Variants in GPATCH11 observed in about 807,000 individuals in gnomAD.
GPATCH11 encodes G-patch domain containing 11.
GPATCH11 carries 32 observed loss-of-function variants against 44.8 expected under a neutral mutation model. The ratio of observed to expected loss-of-function variants is 0.71; its 90% confidence interval spans 0.54 to 0.96. The LOEUF (loss-of-function observed/expected upper bound fraction) is 0.96. Among genes scored for constraint, GPATCH11 ranks in the 40% least tolerant of loss-of-function variants. The pLI, the probability that GPATCH11 is intolerant of heterozygous loss-of-function variation, is 0.00. For synonymous variants in GPATCH11, 84 were observed against 94.4 expected (o/e 0.89, Z 0.64); for missense variants, 324 against 303.1 (o/e 1.07, Z -0.51).
rs543054086 is a variant in GPATCH11, at chr2:37,097,422, G to T, written c.*1159G>T. 6.6e-6 allele frequency: 1 copy of T among 152,308 alleles called. No homozygotes were observed. The highest frequency in any genetic ancestry group is 2.1e-4 in the South Asian group (1 of 4,830). 9.4% of individuals were successfully genotyped at this position (152,308 alleles called of 1,614,324 possible). ...CCTTTTTAAAAGTTCATATGCTCAG[G>T]TGTCTCTCCTAGTGATTGATTTTGA... On this transcript the variant is annotated 3_prime_UTR_variant, in exon 9 of 9. Coordinates refer to ENST00000674370, the MANE Select transcript of GPATCH11 (RefSeq NM_174931.4).
rs80203052 is a variant in GPATCH11, at chr2:37,086,229, A to G, written c.-14+1659A>G. Among the ~76,000 whole-genome samples, 795 of 152,370 alleles carry G rather than the reference A, an allele frequency of 5.2e-3. 5 individuals are homozygous for G. The highest frequency in any genetic ancestry group is 8.9e-3 in the Non-Finnish European group (605 of 68,032). ...ATTTTGGAGGGTACCACATGGTTAC[A>G]AGAATGTTTGACTCACAGAAATGTA... On this transcript the variant is annotated intron_variant, in intron 1 of 8. Coordinates refer to ENST00000674370, the MANE Select transcript of GPATCH11 (RefSeq NM_174931.4).
At chr2:37,092,338 A>ATG in intron 6 of GPATCH11, 83 bp downstream of exon 6, 1 of 219,792 alleles carries the variant, frequency 4.5e-6, no homozygotes, top group Non-Finnish European at 8.9e-6. Flanking sequence ...ATATATATAT[A>ATG]TTTTATATAT....
intron 7 of GPATCH11, among the ~76,000 whole-genome samples, chr2:37,094,761 G>A (rs944473572): frequency 1.3e-5 from 2 of 152,060 alleles, no homozygotes; most frequent in African/African-American, 4.8e-5. Flanking sequence ...GGCCAACATG[G>A]TAGTGTATTT....
chr2:37,091,779 C>G (rs1212196451), intron 4 of GPATCH11, 137 bp from the exon 5 acceptor site: 1 of 655,530 alleles, frequency 1.5e-6, no homozygotes, highest in Non-Finnish European at 2.4e-6. Flanking sequence ...CTAGTGTTTT[C>G]TACTATTAGT....
In GPATCH11 at chr2:37,086,646, A is replaced by C. The variant is rs1194536325; in HGVS notation, c.-13-1723A>C. Among the ~76,000 whole-genome samples, 4 of 152,112 alleles carry C rather than the reference A, an allele frequency of 2.6e-5. No individual in the cohort carries two copies. The East Asian group carries it at 7.7e-4, about 29-fold the overall frequency. On this transcript the variant is annotated intron_variant, in intron 1 of 8. Transcript: ENST00000674370. ...AAACCCTGTCTCTATTAAAAACACA[A>C]AAATTAGCTGGGTGTGGTGGTGGAT...
chr2:37,090,811 T>TA (rs1240950941), intron 4 of GPATCH11, 89 bp downstream of exon 4: 3 of 654,510 alleles, frequency 4.6e-6, no homozygotes, highest in Non-Finnish European at 7.8e-6. Context: ...TACTTTTTTT[T>TA]AAATGATAAT....
Position 37,094,439 on chromosome 2 carries a change from G to C in GPATCH11, c.654+244G>C, listed in dbSNP as rs1384637977. 2.6e-5 allele frequency: 8 copies of C among 303,698 alleles called. 1 individual carries two copies. The highest frequency in any genetic ancestry group is 1.4e-4 in the South Asian group (2 of 14,062). The allele number at this position is 303,698 out of a possible 1,614,324, so 18.8% of individuals were successfully genotyped here. On this transcript the variant is annotated intron_variant, in intron 7 of 8. Transcript: ENST00000674370. ...CCTGGTTGAGAGGTACTGCATTGCAGGATTACTTTACTAACCCCAAATCAA... is the reference window on the plus strand; with the variant it reads ...CCTGGTTGAGAGGTACTGCATTGCACGATTACTTTACTAACCCCAAATCAA...
rs754266036 is a variant in GPATCH11 at position 37,094,144 on chromosome 2, T to C, written c.603T>C (p.Asp201=). 2 of 1,587,206 alleles carry C rather than the reference T, an allele frequency of 1.3e-6. No homozygotes were observed. Among genetic ancestry groups the C allele is most frequent in the East Asian group, 4.5e-5 (2 of 44,186 alleles). ...WLRLEEETEE[D]EEEKEQDEDE... is the part of the protein sequence containing the mutation. ...GGCTTGAAGAGGAGACTGAAGAAGATGAAGAAGAAAAAGAACAGGATGAAG... is the reference window on the plus strand; with the variant it reads ...GGCTTGAAGAGGAGACTGAAGAAGACGAAGAAGAAAAAGAACAGGATGAAG... The change falls in exon 7 of 9, where the codon GAT becomes GAC. Residue 201 remains aspartate (D), a synonymous_variant. Coordinates refer to ENST00000674370, the MANE Select transcript of GPATCH11 (RefSeq NM_174931.4).
intron 1 of GPATCH11, among the ~76,000 whole-genome samples, chr2:37,086,911 A>G (rs1199965197): frequency 6.6e-6 from 1 of 152,214 alleles, no homozygotes; most frequent in African/African-American, 2.4e-5. Flanking sequence ...AGCAAGCTTA[A>G]GTAATGCAGA....
intron 1 of GPATCH11, among the ~76,000 whole-genome samples, chr2:37,087,329 A>T (rs1673098089): frequency 6.6e-6 from 1 of 152,206 alleles, no homozygotes; most frequent in South Asian, 2.1e-4. Flanking sequence ...GGCAGGAAAA[A>T]ACAGTACATA....
chr2:37,098,814 A>AGAT lies in GPATCH11; in HGVS notation c.*2553_*2555dup, dbSNP rs1673726991. 6.6e-6 allele frequency: 1 copy of AGAT among 152,192 alleles called. No homozygotes were observed. The highest frequency in any genetic ancestry group is 2.4e-5 in the African/African-American group (1 of 41,440). 9.4% of individuals were successfully genotyped at this position (152,192 alleles called of 1,614,324 possible). ...TTGGTCCCAGCTACTCAGGGGGCTGAGATGGGGAATCCTTTGAGCCCAGAA... is the reference window on the plus strand; with the variant it reads ...TTGGTCCCAGCTACTCAGGGGGCTGAGATGATGGGGAATCCTTTGAGCCCAGAA... On this transcript the variant is annotated 3_prime_UTR_variant, in exon 9 of 9. Coordinates refer to ENST00000674370, the MANE Select transcript of GPATCH11 (RefSeq NM_174931.4).
chr2:37,095,585 T>C, intron 8 of GPATCH11, 67 bp downstream of exon 8: 2 of 1,430,690 alleles, frequency 1.4e-6, no homozygotes, highest in Non-Finnish European at 9.2e-7. Flanking sequence ...TAAAGTCATT[T>C]CCCACTGACA....
intron 1 of GPATCH11, among the ~76,000 whole-genome samples, chr2:37,086,762 G>T (rs564188497): frequency 6.6e-6 from 1 of 152,304 alleles, no homozygotes; most frequent in African/African-American, 2.4e-5. Context: ...TCACACCACT[G>T]CACTCCAGCC....
At chr2:37,095,345 TA>T in intron 7 of GPATCH11, 91 bp from the exon 8 acceptor site, 1 of 1,427,434 alleles carries the variant, frequency 7.0e-7, no homozygotes, top group South Asian at 1.4e-5. Flanking sequence ...GCAGAATATT[TA>T]CAGCCTTGAG....
chr2:37,086,001 T>C (rs1673015232), intron 1 of GPATCH11, among the ~76,000 whole-genome samples: 1 of 152,200 alleles, frequency 6.6e-6, no homozygotes, highest in African/African-American at 2.4e-5. Context: ...TTCTTGAGTA[T>C]CCTTATTATG....
chr2:37,090,823 C>T, intron 4 of GPATCH11, 101 bp downstream of exon 4: 1 of 611,990 alleles, frequency 1.6e-6, no homozygotes, highest in Non-Finnish European at 2.8e-6. Context: ...AATGATAATA[C>T]TGTTACAGTT....
rs993077165 is a variant in GPATCH11, at chr2:37,084,537, C to G, written c.-47C>G. 3.2e-6 allele frequency: 4 copies of G among 1,232,618 alleles called. No homozygotes were observed. Among genetic ancestry groups the G allele is most frequent in the East Asian group, 3.2e-5 (1 of 31,716 alleles). The allele number at this position is 1,232,618 out of a possible 1,614,324, so 76.4% of individuals were successfully genotyped here. On this transcript the variant is annotated 5_prime_UTR_variant, in exon 1 of 9. Transcript: ENST00000674370. Reference sequence around the variant, plus strand: ...GGGCGCATGCGCAGCGCGCGCTCTACGGCGCTGAACCGGGGCGAGCAGAGA... The same window carrying G: ...GGGCGCATGCGCAGCGCGCGCTCTAGGGCGCTGAACCGGGGCGAGCAGAGA...
intron 1 of GPATCH11, among the ~76,000 whole-genome samples, chr2:37,086,628 G>A (rs1167008828): frequency 6.6e-6 from 1 of 152,074 alleles, no homozygotes; most frequent in African/African-American, 2.4e-5. Flanking sequence ...GCAAAACCCT[G>A]TCTCTATTAA....
Position 37,096,679 on chromosome 2 carries a change from C to A in GPATCH11, c.*416C>A, listed in dbSNP as rs1214936915. On this transcript the variant is annotated 3_prime_UTR_variant, in exon 9 of 9. Coordinates refer to ENST00000674370, the MANE Select transcript of GPATCH11 (RefSeq NM_174931.4). ...TCTCCAGTCAGAGACTGTAATATTT[C>A]TCCCTGATTGGAGAGAACAGCGGGT... 1.2e-5 allele frequency: 2 copies of A among 169,822 alleles called. No homozygotes were observed. The highest frequency in any genetic ancestry group is 4.8e-5 in the African/African-American group (2 of 41,540). The allele number at this position is 169,822 out of a possible 1,614,324, so 10.5% of individuals were successfully genotyped here.
Sources: allele counts gnomAD v4.1 joint callset (sites outside exome capture counted in the v4.1 genomes callset), GRCh38; gene constraint gnomAD v4.1.1; transcripts MANE v1.5; gene names NCBI Gene and HGNC (gene_info 2026-07-23, HGNC 2026-07-21).